The following PRP4K variants were observed in gnomAD, a reference collection of about 807,000 sequenced individuals.
PRP4K encodes the protein serine/threonine-protein kinase PRP4 homolog.
the PRP4K span, among the ~76,000 whole-genome samples, chr6:4,024,087 G>T: frequency 2.0e-5 from 3 of 151,976 alleles, no homozygotes; most frequent in Non-Finnish European, 2.9e-5. Context: ...GGATGGTCCC[G>T]ATCTCCTGAC....
the PRP4K span, among the ~76,000 whole-genome samples, chr6:4,034,157 A>ATT: frequency 4.0e-5 from 6 of 150,236 alleles, 1 homozygote; most frequent in East Asian, 5.8e-4. Flanking sequence ...ATATAAGGGA[A>ATT]TTTTTTTTTT....
chr6:4,031,566 G>T, the PRP4K span: 1 of 1,547,046 alleles, frequency 6.5e-7, no homozygotes, highest in Non-Finnish European at 8.7e-7. Context: ...TAGGATGGAA[G>T]ATGCTAATTC....
the PRP4K span, among the ~76,000 whole-genome samples, chr6:4,030,065 C>T: frequency 6.6e-6 from 1 of 152,042 alleles, no homozygotes; most frequent in Non-Finnish European, 1.5e-5. Context: ...GCCTCAGCCT[C>T]CCGAGTAACT....
At chr6:4,036,811 A>AC in the PRP4K span, among the ~76,000 whole-genome samples, 23,383 of 151,558 alleles carry the variant, frequency 0.15, 2,104 homozygotes, top group Non-Finnish European at 0.21. Flanking sequence ...ACATAGTGAG[A>AC]CCCCCATCAC....
chr6:4,029,173 C>G, the PRP4K span, among the ~76,000 whole-genome samples: 9 of 149,364 alleles, frequency 6.0e-5, no homozygotes, highest in African/African-American at 2.2e-4. Flanking sequence ...TGTGCACCAC[C>G]ATGCCTGGCT....
At chr6:4,044,031 A>G in the PRP4K span, 2 of 1,609,394 alleles carry the variant, frequency 1.2e-6, no homozygotes, top group South Asian at 1.1e-5. Flanking sequence ...ATGGTGAGAG[A>G]GTTTTGTCCT....
chr6:4,062,392 GTAT>G, the PRP4K span: 3 of 152,694 alleles, frequency 2.0e-5, no homozygotes, highest in Non-Finnish European at 1.5e-5. This position sits in a 1 kb window ranked among gnomAD's most constrained non-coding sequence, Gnocchi z 4.2. Context: ...AAAGGAATTT[GTAT>G]TATTAACATG....
the PRP4K span, among the ~76,000 whole-genome samples, chr6:4,040,424 T>C: frequency 6.6e-6 from 1 of 152,210 alleles, no homozygotes; most frequent in Non-Finnish European, 1.5e-5. Flanking sequence ...ACCGTGGTGC[T>C]GTACGAATAC....
the PRP4K span, among the ~76,000 whole-genome samples, chr6:4,028,830 A>C: frequency 1.3e-5 from 2 of 151,520 alleles, no homozygotes; most frequent in Non-Finnish European, 1.5e-5. Flanking sequence ...TCATACCGCC[A>C]TTCTCTCTCC....
chr6:4,022,154 A>ATTTTTTTTTTTTTTTTTTTTTTTTTTTTT, the PRP4K span, among the ~76,000 whole-genome samples: 1 of 92,054 alleles, frequency 1.1e-5, no homozygotes, highest in Non-Finnish European at 2.0e-5. Flanking sequence ...GAGGCCTGGC[A>ATTTTTTTTTTTTTTTTTTTTTTTTTTTTT]TTTTTTTTTT....
chr6:4,060,890 A>G, the PRP4K span: 1 of 399,498 alleles, frequency 2.5e-6, no homozygotes, highest in Non-Finnish European at 4.5e-6. The surrounding 1 kb of genome is among the most constrained non-coding windows in gnomAD (Gnocchi z 4.7). Flanking sequence ...CATAAAGACA[A>G]AAGCATCTGT....
At chr6:4,043,826 T>G in the PRP4K span, 2 of 1,614,130 alleles carry the variant, frequency 1.2e-6, no homozygotes, top group African/African-American at 2.7e-5. Flanking sequence ...TATAAATACC[T>G]TGCTGAAGAT....
chr6:4,035,708 C>T, the PRP4K span, among the ~76,000 whole-genome samples: 1 of 152,118 alleles, frequency 6.6e-6, no homozygotes, highest in African/African-American at 2.4e-5. Flanking sequence ...TGGCTCACGC[C>T]TGTGTTCCAG....
chr6:4,064,174 T>TAG, the PRP4K span: 1 of 152,592 alleles, frequency 6.6e-6, no homozygotes, highest in South Asian at 2.1e-4. Context: ...TTCACTCTAC[T>TAG]GTCTCAAAAT....
the PRP4K span, chr6:4,043,786 G>A: frequency 6.2e-7 from 1 of 1,600,434 alleles, no homozygotes; most frequent in African/African-American, 1.3e-5. Flanking sequence ...TTTTATGAAA[G>A]TATTATCTTC....
the PRP4K span, among the ~76,000 whole-genome samples, chr6:4,027,612 G>A: frequency 1.4e-5 from 1 of 70,690 alleles, no homozygotes; most frequent in African/African-American, 4.7e-5. Flanking sequence ...GGGGGGTGGG[G>A]TGGGGGTTGG....
At chr6:4,056,555 G>T in the PRP4K span, 1 of 1,600,392 alleles carries the variant, frequency 6.2e-7, no homozygotes, top group Non-Finnish European at 8.5e-7. Flanking sequence ...CATGAGGAAG[G>T]GAACCATAGC....
At chr6:4,040,907 G>A in the PRP4K span, 10 of 1,613,166 alleles carry the variant, frequency 6.2e-6, no homozygotes, top group Admixed American at 1.5e-4. Flanking sequence ...AAGTTGAGCA[G>A]GAATCTTCGT....
At chr6:4,044,185 T>C in the PRP4K span, 1 of 650,382 alleles carries the variant, frequency 1.5e-6, no homozygotes, top group Non-Finnish European at 2.6e-6. Flanking sequence ...TCCTTAGAAA[T>C]GTTCTCTATA....
Sources: allele counts gnomAD v4.1 joint callset (sites outside exome capture counted in the v4.1 genomes callset), GRCh38; gene constraint gnomAD v4.1.1; non-coding constraint Gnocchi (gnomAD v3.1); transcripts MANE v1.5; gene names NCBI Gene and HGNC (gene_info 2026-07-23, HGNC 2026-07-21).